Variants in TTF2 observed in about 807,000 individuals in gnomAD.
TTF2 encodes RNA polymerase II termination factor.
In TTF2, 108 loss-of-function variants were observed where a neutral mutation model predicts 142.4. The ratio of observed to expected loss-of-function variants is 0.76; its 90% CI spans 0.65 to 0.89. The LOEUF is 0.89. Ranked by LOEUF, TTF2 falls within the 40% of genes least tolerant of loss-of-function variation. The pLI is 0.00. For missense variants in TTF2, 1,327 were observed against 1,379.8 expected, an observed-to-expected ratio of 0.96 and a Z score of 0.61; for synonymous variants, 483 against 506.2, an observed-to-expected ratio of 0.95 and a Z score of 0.61.
Position 117,076,948 on chromosome 1 carries a change from G to A in TTF2, c.1573+125G>A, listed in dbSNP as rs1657060925. ...TTAGTCACCTGTGGTTCAAAAAAAG[G>A]TGAGTACAGTACAGTAAGATATTTT... On this transcript the variant is annotated intron_variant, in intron 7 of 22. Transcript: ENST00000369466. This position sits in a 1 kb window ranked among gnomAD's most constrained non-coding sequence, Gnocchi z 4.6. 8 of 774,084 alleles carry A rather than the reference G, an allele frequency of 1.0e-5. No individual in the cohort carries two copies. Among genetic ancestry groups the A allele is most frequent in the Non-Finnish European group, 1.6e-5 (8 of 502,532 alleles). The allele number at this position is 774,084 out of a possible 1,614,324, so 48.0% of individuals were successfully genotyped here.
Position 117,100,638 on chromosome 1 carries a change from G to A in TTF2, c.3345-742G>A, listed in dbSNP as rs757445825. 6.6e-6 allele frequency among the ~76,000 whole-genome samples: 1 copy of A among 152,184 alleles called. No homozygotes were observed. The highest frequency in any genetic ancestry group is 1.5e-5 in the Non-Finnish European group (1 of 68,034). On this transcript the variant is annotated intron_variant, in intron 22 of 22. Transcript: ENST00000369466. This position sits in a 1 kb window ranked among gnomAD's most constrained non-coding sequence, Gnocchi z 4.6. The stretch of plus-strand genomic sequence containing the variant: ...CTGAAACTCAGCCATGGTTTTGCAC[G>A]TGTTCCCATTCCCTGGGGTGCTCTC...
At position 117,107,192 on chromosome 1, in the gene TTF2, A is replaced by G. The variant is rs1223110614; in HGVS notation, c.*5668A>G. Reference sequence around the variant, plus strand: ...CACTGACTCTGCCAGGTCTTTCAGCAGGCAAGACAGCTCAGTTAAATTGAG... The same window carrying G: ...CACTGACTCTGCCAGGTCTTTCAGCGGGCAAGACAGCTCAGTTAAATTGAG... On this transcript the variant is annotated 3_prime_UTR_variant, in exon 23 of 23. Coordinates refer to ENST00000369466, the MANE Select transcript of TTF2 (RefSeq NM_003594.4). 1 of 152,196 alleles carries G rather than the reference A, an allele frequency of 6.6e-6. No homozygotes were observed. Among genetic ancestry groups the G allele is most frequent in the East Asian group, 1.9e-4 (1 of 5,196 alleles). The allele number at this position is 152,196 out of a possible 1,614,324, so 9.4% of individuals were successfully genotyped here. A position where few individuals can be genotyped will look rare whatever the true frequency, so the allele number is the denominator to read the frequency against.
chr1:117,079,563 G>A lies in TTF2; in HGVS notation c.1702-5G>A. The A allele has an allele frequency of 6.2e-7, 1 of 1,614,204 alleles. No homozygotes were observed. The highest frequency in any genetic ancestry group is 8.5e-7 in the Non-Finnish European group (1 of 1,180,028). ...TGCTTAGCATTTGGTTATTACCTTT[G>A]TCAGGTCCCTTTGCTACTACACCAG... is the stretch of plus-strand genomic sequence containing the variant. On this transcript the variant is annotated splice_polypyrimidine_tract_variant and splice_region_variant and intron_variant, in intron 8 of 22. Transcript: ENST00000369466. This position sits in a 1 kb window ranked among gnomAD's most constrained non-coding sequence, Gnocchi z 4.2.
chr1:117,064,820 G>GTTT (rs757750932), intron 3 of TTF2, among the ~76,000 whole-genome samples: 12 of 143,030 alleles, frequency 8.4e-5, no homozygotes, highest in Admixed American at 3.5e-4. Flanking sequence ...CACCTGGCCT[G>GTTT]TTTTTTTTTT....
chr1:117,092,653 C>T lies in TTF2; in HGVS notation c.2806-78C>T. On this transcript the variant is annotated intron_variant, in intron 17 of 22. Transcript: ENST00000369466. This position sits in a 1 kb window ranked among gnomAD's most constrained non-coding sequence, Gnocchi z 4.4. ...ATATTTTGCTCTGTGAAGTGGTAAA[C>T]AATCAAAACATCATCAACAAGTAAC... 1 of 1,496,226 alleles carries T rather than the reference C, an allele frequency of 6.7e-7. No individual in the cohort carries two copies. The allele number at this position is 1,496,226 out of a possible 1,614,324, so 92.7% of individuals were successfully genotyped here.
In TTF2 at chr1:117,102,750, C is replaced by A. The variant is rs1227325105; in HGVS notation, c.*1226C>A. The A allele has an allele frequency of 6.6e-6, 1 of 150,528 alleles. No homozygotes were observed. Among genetic ancestry groups the A allele is most frequent in the African/African-American group, 2.5e-5 (1 of 40,054 alleles). 9.3% of individuals were successfully genotyped at this position (150,528 alleles called of 1,614,324 possible). A position where few individuals can be genotyped will look rare whatever the true frequency, so the allele number is the denominator to read the frequency against. On this transcript the variant is annotated 3_prime_UTR_variant, in exon 23 of 23. Transcript: ENST00000369466. ...AGTCCAATACTAATCCAATCCAATA[C>A]TAATAATACTATTGGTACAATCCAA...
rs188168994 is a variant in TTF2, at chr1:117,073,843, G to A, written c.285+116G>A. Reference sequence around the variant, plus strand: ...AGTTGGTCTTCATCAGACTGTCTCCGAAAGATAGTTTTCTTTAAGCAAGGT... The same window carrying A: ...AGTTGGTCTTCATCAGACTGTCTCCAAAAGATAGTTTTCTTTAAGCAAGGT... On this transcript the variant is annotated intron_variant, in intron 4 of 22. Coordinates refer to ENST00000369466, the MANE Select transcript of TTF2 (RefSeq NM_003594.4). This position sits in a 1 kb window ranked among gnomAD's most constrained non-coding sequence, Gnocchi z 4.4. 29 of 910,500 alleles carry A rather than the reference G, an allele frequency of 3.2e-5. No individual in the cohort carries two copies. The highest frequency in any genetic ancestry group is 1.1e-4 in the East Asian group (4 of 36,068). 56.4% of individuals were successfully genotyped at this position (910,500 alleles called of 1,614,324 possible).
rs372486522 is a variant in TTF2 at position 117,062,357 on chromosome 1, A to C, written c.132-30A>C. The C allele has an allele frequency of 5.0e-6, 8 of 1,604,138 alleles. No homozygotes were observed. The African/African-American group carries it at 9.4e-5, about 19-fold the overall frequency. Reference sequence around the variant, plus strand: ...ATATTGATCTCTGTTCCTGACCTAAAAATGTTTTCAACTTTTTTCTTTTCT... The same window carrying C: ...ATATTGATCTCTGTTCCTGACCTAACAATGTTTTCAACTTTTTTCTTTTCT... On this transcript the variant is annotated intron_variant, in intron 2 of 22. Coordinates refer to ENST00000369466, the MANE Select transcript of TTF2 (RefSeq NM_003594.4).
At chr1:117,072,422 C>CTTTTTTTT (rs34927356) in intron 3 of TTF2, among the ~76,000 whole-genome samples, 1 of 102,046 alleles carries the variant, frequency 9.8e-6, no homozygotes, top group Admixed American at 1.1e-4. Context: ...AAGATACGGA[C>CTTTTTTTT]TTTTTTTTTT....
rs114730555 is a variant in TTF2 at position 117,090,335 on chromosome 1, G to A, written c.2496+127G>A. ...GAGTTTCCCATCCTCCTGTGAGGAG[G>A]CCCCAGGGTTGCAGTTCCATGCCTA... On this transcript the variant is annotated intron_variant, in intron 14 of 22. Transcript: ENST00000369466. The surrounding 1 kb of genome is among the most constrained non-coding windows in gnomAD (Gnocchi z 4.8). The A allele has an allele frequency of 2.9e-3, 3,927 of 1,368,290 alleles. 88 individuals are homozygous for A. The African/African-American group carries it at 0.05, about 18-fold the overall frequency. 84.8% of individuals were successfully genotyped at this position (1,368,290 alleles called of 1,614,324 possible). A position where few individuals can be genotyped will look rare whatever the true frequency, so the allele number is the denominator to read the frequency against.
intron 2 of TTF2, among the ~76,000 whole-genome samples, chr1:117,060,775 C>A (rs1022418407): frequency 6.6e-6 from 1 of 152,224 alleles, no homozygotes; most frequent in Non-Finnish European, 1.5e-5. Context: ...GGTTACCCCC[C>A]TCTCTGGGCC....
rs762466936 is a variant in TTF2 at position 117,092,758 on chromosome 1, G to A, written c.2833G>A (p.Glu945Lys). The A allele has an allele frequency of 1.1e-5, 18 of 1,614,036 alleles. No homozygotes were observed. The highest frequency in any genetic ancestry group is 6.7e-5 in the Admixed American group (4 of 60,008). Residue 945 changes from glutamate (E) to lysine (K), a missense_variant, in exon 18 of 23, where the codon GAA becomes AAA. Physicochemically the swap from Glu to Lys is moderately conservative, Grantham distance 56. Coordinates refer to ENST00000369466, the MANE Select transcript of TTF2 (RefSeq NM_003594.4). This position sits in a 1 kb window ranked among gnomAD's most constrained non-coding sequence, Gnocchi z 4.4. ...SALDPMELKG[E>K]GLVLSLEEQL... ...CCTGGATCCAATGGAACTGAAGGGT[G>A]AAGGTCTTGTCCTTTCCCTGGAAGA... is the stretch of plus-strand genomic sequence containing the variant.
At chr1:117,096,051 T>A in intron 19 of TTF2, 98 bp from the exon 20 acceptor site, 1 of 1,410,816 alleles carries the variant, frequency 7.1e-7, no homozygotes, top group Admixed American at 1.9e-5. Context: ...TGTCAACATT[T>A]GATAGCTAAC....
chr1:117,082,244 C>T (rs1371723768), intron 10 of TTF2, among the ~76,000 whole-genome samples: 3 of 152,230 alleles, frequency 2.0e-5, no homozygotes, highest in South Asian at 4.2e-4. Context: ...GACAGGGTCT[C>T]GCTCTGTTGC....
rs41276576 is a variant in TTF2 at position 117,102,002 on chromosome 1, C to T, written c.*478C>T. The T allele has an allele frequency of 0.011, 1,751 of 152,786 alleles. 17 individuals carry two copies. Among genetic ancestry groups the T allele is most frequent in the Non-Finnish European group, 0.017 (1,150 of 68,540 alleles). The allele number at this position is 152,786 out of a possible 1,614,324, so 9.5% of individuals were successfully genotyped here. A position where few individuals can be genotyped will look rare whatever the true frequency, so the allele number is the denominator to read the frequency against. On this transcript the variant is annotated 3_prime_UTR_variant, in exon 23 of 23. Coordinates refer to ENST00000369466, the MANE Select transcript of TTF2 (RefSeq NM_003594.4). ...ATGAAGAATAAAAAAATGAGCTAGG[C>T]GTGGTAGTGCACACCTGTAGTCCTA...
intron 15 of TTF2, among the ~76,000 whole-genome samples, 162 bp from the exon 16 acceptor site, chr1:117,091,166 A>T (rs1301804761): frequency 6.6e-6 from 1 of 152,172 alleles, no homozygotes; most frequent in Non-Finnish European, 1.5e-5. Context: ...TTGGTTTTTT[A>T]AAATAACTGT....
At chr1:117,098,771 C>A in intron 21 of TTF2, 62 bp from the exon 22 acceptor site, 1 of 1,481,674 alleles carries the variant, frequency 6.7e-7, no homozygotes, top group Non-Finnish European at 9.3e-7. Flanking sequence ...GCCCATGGCC[C>A]ATAGTTTGCC....
Position 117,075,995 on chromosome 1 carries a change from T to C in TTF2, c.1275+136T>C. The C allele has an allele frequency of 1.5e-6, 2 of 1,379,140 alleles. No individual in the cohort carries two copies. The highest frequency in any genetic ancestry group is 1.9e-6 in the Non-Finnish European group (2 of 1,036,378). The allele number at this position is 1,379,140 out of a possible 1,614,324, so 85.4% of individuals were successfully genotyped here. ...AGGTGCATGTTCAGTTTCTGCCTTT[T>C]CCCCTATTTATATTTTCAAGATTGG... On this transcript the variant is annotated intron_variant, in intron 5 of 22. Transcript: ENST00000369466. The surrounding 1 kb of genome is among the most constrained non-coding windows in gnomAD (Gnocchi z 4.5).
rs1326409984 is a variant in TTF2, at chr1:117,060,379, G to C, written c.28+5G>C. On this transcript the variant is annotated splice_donor_5th_base_variant and intron_variant, in intron 1 of 22. Coordinates refer to ENST00000369466, the MANE Select transcript of TTF2 (RefSeq NM_003594.4). ...AAGTTAGGTGTCCAGAGCACGGTAAGGGGCTAGGGTCTCAGCGTCCCGGGG... is the reference window on the plus strand; with the variant it reads ...AAGTTAGGTGTCCAGAGCACGGTAACGGGCTAGGGTCTCAGCGTCCCGGGG... 9 of 1,606,182 alleles carry C rather than the reference G, an allele frequency of 5.6e-6. No homozygotes were observed. In the Admixed American group the frequency reaches 1.4e-4, roughly 24 times the overall value.
Sources: gnomAD v4.1 joint callset for allele counts (sites outside exome capture counted in the v4.1 genomes callset) on GRCh38, gnomAD v4.1.1 for gene constraint, Gnocchi (gnomAD v3.1) non-coding constraint, MANE v1.5 for transcripts, NCBI Gene and HGNC (gene_info 2026-07-23, HGNC 2026-07-21) for gene names.